The following RPAP1 variants were observed in gnomAD, a reference collection of about 807,000 sequenced individuals.
The protein encoded by RPAP1 is RNA polymerase II associated protein 1, also known as RNA polymerase II-associated protein 1.
A neutral mutation model predicts 142.4 loss-of-function variants in RPAP1; 109 were observed. That is an observed-to-expected ratio of 0.77 (90% CI 0.66 to 0.90). The LOEUF (loss-of-function observed/expected upper bound fraction) is 0.90. Ranked by LOEUF, RPAP1 falls within the 40% of genes least tolerant of loss-of-function variation. RPAP1 has a pLI of 0.00. For synonymous variants in RPAP1, 704 were observed against 738.9 expected, an observed-to-expected ratio of 0.95 and a Z score of 0.77; for missense variants, 1,546 against 1,751.7, an observed-to-expected ratio of 0.88 and a Z score of 2.10.
At chr15:41,537,568 G>C (rs1254872378) in intron 1 of RPAP1, among the ~76,000 whole-genome samples, 1 of 152,054 alleles carries the variant, frequency 6.6e-6, no homozygotes, top group Non-Finnish European at 1.5e-5. Flanking sequence ...AAAAACCTTG[G>C]GCTGTAAAAT....
chr15:41,520,485 A>C lies in RPAP1; in HGVS notation c.3701T>G (p.Leu1234Arg). ...GDHLFGALVL[L>R]PLQRRFSVTL... is the part of the protein sequence containing the mutation. ...GACACTGAACCGACGCTGCAGGGGCAGGAGGACCAGGGCCCCAAAGAGGTG... is the reference window on the plus strand; with the variant it reads ...GACACTGAACCGACGCTGCAGGGGCCGGAGGACCAGGGCCCCAAAGAGGTG... Residue 1234 changes from leucine to arginine, a missense_variant, in exon 22 of 25, where the codon CTG becomes CGG. Around this residue, in one of 3 missense-constraint regions of RPAP1, gnomAD observed 210 missense variants for 248.0 expected, o/e 0.85. Coordinates refer to ENST00000304330, the MANE Select transcript of RPAP1 (RefSeq NM_015540.4). 1 of 1,614,160 alleles carries C rather than the reference A, an allele frequency of 6.2e-7. No individual in the cohort carries two copies. Among genetic ancestry groups the C allele is most frequent in the Admixed American group, 1.7e-5 (1 of 60,018 alleles).
chr15:41,532,610 G>A (rs1414701256), intron 6 of RPAP1, among the ~76,000 whole-genome samples: 1 of 152,074 alleles, frequency 6.6e-6, no homozygotes, highest in Non-Finnish European at 1.5e-5. Context: ...ATATACTAGA[G>A]TATAGCTATA....
In RPAP1 at chr15:41,529,405, C is replaced by A. The variant is rs1031486598; in HGVS notation, c.1158+65G>T. On this transcript the variant is annotated intron_variant, in intron 9 of 24. Transcript: ENST00000304330. ...CACACAGAAGGTCAAAGGCAGTTGA[C>A]CAGAGATCCTTTTCCATGGGGTTGT... 5 of 1,077,764 alleles carry A rather than the reference C, an allele frequency of 4.6e-6. No homozygotes were observed. The African/African-American group carries it at 7.8e-5, about 17-fold the overall frequency. 66.8% of individuals were successfully genotyped at this position (1,077,764 alleles called of 1,614,324 possible).
chr15:41,517,801 A>G lies in RPAP1; in HGVS notation c.4029T>C (p.Asp1343=), dbSNP rs1452083440. 5 of 1,613,680 alleles carry G rather than the reference A, an allele frequency of 3.1e-6. No individual in the cohort carries two copies. Among genetic ancestry groups the G allele is most frequent in the African/African-American group, 1.3e-5 (1 of 74,886 alleles). The change falls in exon 24 of 25, where the codon GAT becomes GAC. Residue 1343 remains aspartate (D), a synonymous_variant. Transcript: ENST00000304330. ...CTCCTAATGGCCCTGACCCTACCTCATCTGCCAGCAGCCATGTTTTCTGCA... is the reference window on the plus strand; with the variant it reads ...CTCCTAATGGCCCTGACCCTACCTCGTCTGCCAGCAGCCATGTTTTCTGCA... The part of the protein sequence containing the change: ...SMLQKTWLLA[D]EGLRQHLLHY...
Position 41,522,010 on chromosome 15 carries a change from C to T in RPAP1, c.2895+88G>A, listed in dbSNP as rs1437464144. ...CATGTCTGGAGGAAAGTGGGAGCTG[C>T]ATGGCCTGGCAGAAGCAGGCTGGGT... On this transcript the variant is annotated intron_variant, in intron 20 of 24. Transcript: ENST00000304330. The T allele has an allele frequency of 1.9e-6, 3 of 1,569,756 alleles. No homozygotes were observed. The African/African-American group carries it at 4.0e-5, about 21-fold the overall frequency.
In RPAP1 at chr15:41,518,117, G is replaced by A; in HGVS notation, c.3861C>T (p.Tyr1287=). The change falls in exon 23 of 25, where the codon TAC becomes TAT. Residue 1287 remains tyrosine (Y), a synonymous_variant. Coordinates refer to ENST00000304330, the MANE Select transcript of RPAP1 (RefSeq NM_015540.4). ...GCGCACCAGTAACCAGGGTCCGGAA[G>A]TAGAGCTGAAGGAGGGCCAGGTTGT... ...PEDNLALLQL[Y]FRTLVTGALR... is the part of the protein sequence containing the mutation. 1.9e-6 allele frequency: 3 copies of A among 1,604,198 alleles called. No homozygotes were observed. The highest frequency in any genetic ancestry group is 2.5e-6 in the Non-Finnish European group (3 of 1,177,278).
intron 22 of RPAP1, among the ~76,000 whole-genome samples, chr15:41,519,376 T>A (rs1027121485): frequency 6.6e-6 from 1 of 151,572 alleles, no homozygotes; most frequent in Non-Finnish European, 1.5e-5. Context: ...CCCGGCTAAT[T>A]TTTTGTATTT....
At chr15:41,522,552 G>A (rs2051738814) in intron 19 of RPAP1, 1 of 563,986 alleles carries the variant, frequency 1.8e-6, no homozygotes, top group East Asian at 3.1e-5. Context: ...CATCATGCCT[G>A]GCTAATTTTG....
intron 6 of RPAP1, among the ~76,000 whole-genome samples, chr15:41,533,033 G>A (rs1329442567): frequency 1.4e-5 from 1 of 72,934 alleles, no homozygotes; most frequent in Non-Finnish European, 2.6e-5. Flanking sequence ...GTAGATCTGG[G>A]TTTAAATCCT....
rs774925238 is a variant in RPAP1 at position 41,520,603 on chromosome 15, G to A, written c.3583C>T (p.Leu1195Phe). 11 of 1,614,122 alleles carry A rather than the reference G, an allele frequency of 6.8e-6. No individual in the cohort carries two copies. Among genetic ancestry groups the A allele is most frequent in the South Asian group, 3.3e-5 (3 of 91,086 alleles). Residue 1195 changes from leucine to phenylalanine, a missense_variant, in exon 22 of 25, where the codon CTC becomes TTC. By Grantham distance (22) the Leu-to-Phe change is conservative. Coordinates refer to ENST00000304330, the MANE Select transcript of RPAP1 (RefSeq NM_015540.4). Reference protein sequence around the residue: ...QLCQPQVLPNLNLDCRLPGLT... With the variant: ...QLCQPQVLPNFNLDCRLPGLT... ...CCAGGGAGTCGGCAGTCCAGGTTGA[G>A]GTTTGGCAAGACTTGAGGCTGACAG...
In RPAP1 at chr15:41,529,919, T is replaced by C. The variant is rs1011082284; in HGVS notation, c.1004A>G (p.Glu335Gly). The C allele has an allele frequency of 2.5e-6, 4 of 1,613,942 alleles. No homozygotes were observed. The highest frequency in any genetic ancestry group is 3.4e-6 in the Non-Finnish European group (4 of 1,179,906). Residue 335 changes from glutamate to glycine, a missense_variant, in exon 8 of 25, where the codon GAG (glutamate) becomes GGG (glycine). By Grantham distance (98) the Glu-to-Gly change is moderately conservative. This residue lies in a region of RPAP1 where 1,333 missense variants were observed against 1,486.6 expected (regional missense o/e 0.90). Coordinates refer to ENST00000304330, the MANE Select transcript of RPAP1 (RefSeq NM_015540.4). ...EWLHMDTVEL[E>G]KLHWTQDLPP... ...CAAGTCCTGGGTCCAGTGGAGCTTC[T>C]CCAGCTCGACAGTGTCCATGTGCAG...
At chr15:41,537,252 T>A (rs2051921747) in intron 1 of RPAP1, 51 bp from the exon 2 acceptor site, 2 of 890,802 alleles carry the variant, frequency 2.2e-6, no homozygotes, top group South Asian at 3.2e-5. Flanking sequence ...CTGATTCTCT[T>A]TATTGGGCAA....
In RPAP1 at chr15:41,520,928, GGTTGGGACTCGCTGTAGCTCCC is replaced by G. The variant is rs751327576; in HGVS notation, c.3236_3257del (p.Gly1079AlafsTer21). 6.2e-7 allele frequency: 1 copy of G among 1,613,104 alleles called. No homozygotes were observed. Among genetic ancestry groups the G allele is most frequent in the African/African-American group, 1.3e-5 (1 of 74,946 alleles). On this transcript the variant is annotated frameshift_variant, in exon 22 of 25. Transcript: ENST00000304330. LOFTEE classifies it high-confidence loss of function. ...GCTCCGTAGGCATGGGCAGTAGCAGGGTTGGGACTCGCTGTAGCTCCCCTCGGTGCAGAGCCTGGGAGGCCAG... is the reference window on the plus strand; with the variant it reads ...GCTCCGTAGGCATGGGCAGTAGCAGGCTCGGTGCAGAGCCTGGGAGGCCAG...
At chr15:41,540,729 C>T (rs2051964077) in intron 1 of RPAP1, among the ~76,000 whole-genome samples, 1 of 152,170 alleles carries the variant, frequency 6.6e-6, no homozygotes, top group Non-Finnish European at 1.5e-5. Flanking sequence ...CATGCTCTTA[C>T]CCACTATGTT....
chr15:41,523,944 T>C lies in RPAP1; in HGVS notation c.2263A>G (p.Thr755Ala). The stretch of plus-strand genomic sequence containing the variant: ...TGTGTCCAAGTGACTAAGGAAGGGG[T>C]GGCCGAGAGGCTGGCCTCAGCAGAA... ...SDSAEASLSA[T>A]PSLVTWTQVS... Residue 755 changes from threonine to alanine, a missense_variant, in exon 17 of 25, where the codon ACC (threonine) becomes GCC (alanine). Thr to Ala is a moderately conservative substitution (Grantham distance 58, BLOSUM62 0). This residue lies in a region of RPAP1 where 1,333 missense variants were observed against 1,486.6 expected (regional missense o/e 0.90). Transcript: ENST00000304330. The C allele has an allele frequency of 6.2e-7, 1 of 1,611,248 alleles. No individual in the cohort carries two copies.
intron 1 of RPAP1, among the ~76,000 whole-genome samples, chr15:41,542,143 C>T (rs1317386971): frequency 6.6e-6 from 1 of 152,172 alleles, no homozygotes; most frequent in Non-Finnish European, 1.5e-5. Flanking sequence ...GAGACAGAGA[C>T]CATGCCGAAA....
chr15:41,541,013 G>T (rs1178812933), intron 1 of RPAP1, among the ~76,000 whole-genome samples: 1 of 152,066 alleles, frequency 6.6e-6, no homozygotes, highest in Non-Finnish European at 1.5e-5. Flanking sequence ...AATGTCTGCA[G>T]ACATTGCCAA....
chr15:41,534,771 G>A lies in RPAP1; in HGVS notation c.706C>T (p.Gln236Ter). Residue 236 changes from glutamine (Q) to a stop codon, truncating the protein, a stop_gained, in exon 6 of 25, where the codon CAG becomes TAG. Transcript: ENST00000304330. LOFTEE classifies it high-confidence loss of function. Reference protein sequence around the residue: ...TIHEENIARLQAMAPEEILQE... With the variant: ...TIHEENIARL ...AGGATCTCCTCAGGAGCCATGGCCT[G>A]CAGTCTTGCTATGTTCTCTTCATGG... 1.2e-6 allele frequency: 2 copies of A among 1,614,026 alleles called. No individual in the cohort carries two copies. Among genetic ancestry groups the A allele is most frequent in the South Asian group, 2.2e-5 (2 of 91,078 alleles).
intron 22 of RPAP1, chr15:41,519,972 TCA>T (rs2140755651): frequency 4.5e-6 from 1 of 222,974 alleles, no homozygotes; most frequent in South Asian, 6.8e-5. Context: ...TCTTGCTCTG[TCA>T]CTGGGCTGGG....
Sources: allele counts gnomAD v4.1 joint callset (sites outside exome capture counted in the v4.1 genomes callset), GRCh38; gene constraint gnomAD v4.1.1; regional missense constraint gnomAD v4.1.1; transcripts MANE v1.5; gene names NCBI Gene and HGNC (gene_info 2026-07-23, HGNC 2026-07-21).